PCCA: variants seen among roughly 807,000 people sequenced by gnomAD.
The protein encoded by PCCA is propionyl-CoA carboxylase subunit alpha.
PCCA carries 74 observed loss-of-function variants against 101.3 expected under a neutral mutation model. That is an observed-to-expected ratio of 0.73 (90% CI 0.61 to 0.89). The LOEUF (loss-of-function observed/expected upper bound fraction) is 0.89. Among genes scored for constraint, PCCA ranks in the 40% least tolerant of loss-of-function variants. The pLI, the probability that PCCA is intolerant of heterozygous loss-of-function variation, is 0.00. For missense variants in PCCA, 891 were observed against 907.0 expected (o/e 0.98, Z 0.23); for synonymous variants, 294 against 313.6 (o/e 0.94, Z 0.66).
chr13:100,279,695 C>T (rs940140110), intron 12 of PCCA, among the ~76,000 whole-genome samples: 6 of 152,182 alleles, frequency 3.9e-5, no homozygotes, highest in Non-Finnish European at 8.8e-5. Flanking sequence ...AGGATGGTCT[C>T]GATCTCTTGA....
intron 21 of PCCA, among the ~76,000 whole-genome samples, chr13:100,506,260 C>G (rs529619328): frequency 6.6e-6 from 1 of 152,052 alleles, no homozygotes; most frequent in African/African-American, 2.4e-5. Flanking sequence ...CATGAGGGTG[C>G]CAGCAGTCCT....
At chr13:100,345,157 ACATCTTT>A (rs1375471609) in intron 18 of PCCA, among the ~76,000 whole-genome samples, 2 of 152,232 alleles carry the variant, frequency 1.3e-5, no homozygotes, top group African/African-American at 4.8e-5. Flanking sequence ...AATAAGTAGC[ACATCTTT>A]CACTGTAAAT....
At chr13:100,164,608 A>G (rs17196569) in intron 6 of PCCA, among the ~76,000 whole-genome samples, 13,056 of 152,296 alleles carry the variant, frequency 0.086, 599 homozygotes, top group African/African-American at 0.1. Flanking sequence ...TCCAAATATC[A>G]TTCAGTTGAA....
At chr13:100,169,637 C>T (rs988624021) in intron 6 of PCCA, among the ~76,000 whole-genome samples, 1 of 151,904 alleles carries the variant, frequency 6.6e-6, no homozygotes, top group Non-Finnish European at 1.5e-5. Flanking sequence ...AAGTGATTCT[C>T]CTGCCTCAGG....
chr13:100,117,531 C>G (rs950857537), intron 4 of PCCA, among the ~76,000 whole-genome samples: 5 of 149,614 alleles, frequency 3.3e-5, no homozygotes, highest in African/African-American at 1.2e-4. Context: ...GGACAGAAAA[C>G]AAAACACTGC....
intron 6 of PCCA, among the ~76,000 whole-genome samples, chr13:100,193,239 T>C (rs534746027): frequency 6.6e-6 from 1 of 152,342 alleles, no homozygotes; most frequent in South Asian, 2.1e-4. Flanking sequence ...ACTAGTCTAA[T>C]GACTGTGGGT....
At position 100,155,002 on chromosome 13, in the gene PCCA, G is replaced by A. The variant is rs949995114; in HGVS notation, c.324G>A (p.Glu108=). Residue 108 remains glutamate, a synonymous_variant, in exon 5 of 24, where the codon GAG becomes GAA. Transcript: ENST00000376285. The stretch of plus-strand genomic sequence containing the variant: ...AGGTTCATGTGAAAATGGCGGATGA[G>A]GCTGTCTGTGTTGGCCCAGCTCCCA... ...ASSVHVKMAD[E]AVCVGPAPTS... The A allele has an allele frequency of 6.2e-7, 1 of 1,613,994 alleles. No homozygotes were observed. The highest frequency in any genetic ancestry group is 8.5e-7 in the Non-Finnish European group (1 of 1,179,874).
chr13:100,491,742 C>G (rs1409195621), intron 21 of PCCA: 4 of 1,290,854 alleles, frequency 3.1e-6, no homozygotes, highest in Middle Eastern at 2.1e-4. Context: ...GGATTGAAAG[C>G]TCTCGGTTTG....
At chr13:100,095,594 G>A (rs548160970) in intron 1 of PCCA, among the ~76,000 whole-genome samples, 2 of 152,304 alleles carry the variant, frequency 1.3e-5, no homozygotes, top group South Asian at 4.2e-4. Flanking sequence ...ATTTGGACAG[G>A]AAACTGAGCC....
At chr13:100,330,129 A>T (rs2069328168) in intron 16 of PCCA, among the ~76,000 whole-genome samples, 1 of 152,186 alleles carries the variant, frequency 6.6e-6, no homozygotes, top group African/African-American at 2.4e-5. Flanking sequence ...AACCAGCAGG[A>T]TGCAAAAAAT....
At chr13:100,130,367 G>A (rs2050381032) in intron 4 of PCCA, among the ~76,000 whole-genome samples, 1 of 152,224 alleles carries the variant, frequency 6.6e-6, no homozygotes, top group Admixed American at 6.5e-5. Flanking sequence ...TCTGGAGATG[G>A]CAGTGGTGGA....
intron 19 of PCCA, among the ~76,000 whole-genome samples, chr13:100,416,330 C>T (rs951311247): frequency 1.4e-4 from 21 of 151,428 alleles, no homozygotes; most frequent in Admixed American, 7.9e-4. Context: ...TACAGGTGCC[C>T]ACGACCATGC....
At chr13:100,143,733 ATT>A (rs941012367) in intron 4 of PCCA, among the ~76,000 whole-genome samples, 3 of 151,254 alleles carry the variant, frequency 2.0e-5, no homozygotes, top group African/African-American at 7.3e-5. Flanking sequence ...ACTTCTAGAC[ATT>A]TTTGTTTTCT....
intron 6 of PCCA, among the ~76,000 whole-genome samples, chr13:100,187,972 G>C (rs961636569): frequency 6.6e-6 from 1 of 151,048 alleles, no homozygotes; most frequent in African/African-American, 2.4e-5. Context: ...TCGTAGCTTA[G>C]CTCCTACTTA....
At chr13:100,268,990 C>T (rs2063127489) in intron 11 of PCCA, among the ~76,000 whole-genome samples, 1 of 152,308 alleles carries the variant, frequency 6.6e-6, no homozygotes. Flanking sequence ...GCCGGGACTA[C>T]AGGTGTGTGC....
At chr13:100,279,728 C>T (rs761817047) in intron 12 of PCCA, among the ~76,000 whole-genome samples, 4 of 152,186 alleles carry the variant, frequency 2.6e-5, no homozygotes, top group Non-Finnish European at 5.9e-5. Context: ...CCTGCATCGA[C>T]CTCCCAAAGT....
chr13:100,152,459 T>G (rs1391934862), intron 4 of PCCA, among the ~76,000 whole-genome samples: 2 of 152,032 alleles, frequency 1.3e-5, no homozygotes, highest in Admixed American at 1.3e-4. Context: ...ATTTATTTAT[T>G]TTTTTGAGAC....
intron 18 of PCCA, among the ~76,000 whole-genome samples, chr13:100,361,378 G>A (rs1371375640): frequency 6.6e-6 from 1 of 151,722 alleles, no homozygotes; most frequent in African/African-American, 2.4e-5. Flanking sequence ...ATGTGGGGGA[G>A]GATGTATGGG....
Position 100,212,289 on chromosome 13 carries a change from T to C in PCCA, c.600+2826T>C, listed in dbSNP as rs577376120. Reference sequence around the variant, plus strand: ...TCATCCCTTTACATATTGTCTGTGGTTGCTTTTCCACTACAGTGGTAGAGC... The same window carrying C: ...TCATCCCTTTACATATTGTCTGTGGCTGCTTTTCCACTACAGTGGTAGAGC... On this transcript the variant is annotated intron_variant, in intron 7 of 23. Transcript: ENST00000376285. Among the ~76,000 whole-genome samples, 9 of 152,358 alleles carry C rather than the reference T, an allele frequency of 5.9e-5. No individual in the cohort carries two copies. The South Asian group carries it at 1.9e-3, about 32-fold the overall frequency.
Sources: gnomAD v4.1 joint callset for allele counts (sites outside exome capture counted in the v4.1 genomes callset) on GRCh38, gnomAD v4.1.1 for gene constraint, MANE v1.5 for transcripts, NCBI Gene and HGNC (gene_info 2026-07-23, HGNC 2026-07-21) for gene names.